MICAL3: variants seen among roughly 807,000 people sequenced by gnomAD.
The protein encoded by MICAL3 is microtubule associated monooxygenase, calponin and LIM domain containing 3, also known as [F-actin]-monooxygenase MICAL3.
MICAL3 carries 62 observed loss-of-function variants against 207.4 expected under a neutral mutation model. The ratio of observed to expected loss-of-function variants is 0.30; its 90% CI spans 0.24 to 0.37. The LOEUF (loss-of-function observed/expected upper bound fraction) is 0.37. Ranked by LOEUF, MICAL3 falls within the 10% of genes least tolerant of loss-of-function variation. The pLI, the probability that MICAL3 is intolerant of heterozygous loss-of-function variation, is 1.00. For missense variants in MICAL3, 2,368 were observed against 2,635.6 expected (o/e 0.90, Z 2.22); for synonymous variants, 1,077 against 1,069.3 (o/e 1.01, Z -0.14).
chr22:17,812,359 C>T (rs995352522), intron 27 of MICAL3: 20 of 199,786 alleles, frequency 1.0e-4, no homozygotes, highest in South Asian at 3.5e-4. Flanking sequence ...ACGTGGCTAA[C>T]GGAAGTACTG....
At chr22:17,895,034 G>A (rs1027292477) in intron 10 of MICAL3, among the ~76,000 whole-genome samples, 8 of 152,184 alleles carry the variant, frequency 5.3e-5, no homozygotes, top group African/African-American at 1.2e-4. Context: ...ATTAGAAGAC[G>A]TGGCATAAAG....
At chr22:17,861,505 T>C (rs1926512794) in intron 19 of MICAL3, 1 of 985,356 alleles carries the variant, frequency 1.0e-6, no homozygotes, top group South Asian at 4.7e-5. Context: ...TCATTTTTGG[T>C]CATCAACCGT....
At chr22:17,935,291 T>C (rs1270721594) in intron 1 of MICAL3, among the ~76,000 whole-genome samples, 2 of 152,214 alleles carry the variant, frequency 1.3e-5, no homozygotes, top group Non-Finnish European at 2.9e-5. Context: ...TACAACCATC[T>C]GATCTTTGAC....
In MICAL3 at chr22:17,788,980, T is replaced by C. The variant is rs930921464; in HGVS notation, c.*1752A>G. Reference sequence around the variant, plus strand: ...CCCTGGCAGGCGGGTCTGGTCCGGATGGCTCCTCGCTGGGCTATGTGCTGA... The same window carrying C: ...CCCTGGCAGGCGGGTCTGGTCCGGACGGCTCCTCGCTGGGCTATGTGCTGA... On this transcript the variant is annotated 3_prime_UTR_variant, in exon 32 of 32. Transcript: ENST00000441493. 6.6e-6 allele frequency: 1 copy of C among 152,572 alleles called. No homozygotes were observed. Among genetic ancestry groups the C allele is most frequent in the African/African-American group, 2.4e-5 (1 of 41,478 alleles). The allele number at this position is 152,572 out of a possible 1,614,324, so 9.5% of individuals were successfully genotyped here.
intron 1 of MICAL3, among the ~76,000 whole-genome samples, chr22:17,936,397 G>A (rs778068845): frequency 2.6e-5 from 4 of 152,008 alleles, no homozygotes; most frequent in Non-Finnish European, 5.9e-5. Context: ...GACACAGGGC[G>A]GGGAACACCA....
chr22:17,976,533 A>G (rs760787810), intron 1 of MICAL3, among the ~76,000 whole-genome samples: 3,120 of 115,408 alleles, frequency 0.027, 177 homozygotes, highest in African/African-American at 0.1. Context: ...ATGTGTATAT[A>G]TATGTGTGTG....
intron 21 of MICAL3, among the ~76,000 whole-genome samples, 197 bp from the exon 22 acceptor site, chr22:17,827,978 C>T (rs535224325): frequency 9.9e-4 from 151 of 152,164 alleles, no homozygotes; most frequent in Non-Finnish European, 2.0e-3. Flanking sequence ...CAGACACACA[C>T]GCACAGTCCT....
intron 1 of MICAL3, among the ~76,000 whole-genome samples, chr22:17,996,482 G>T (rs1359281522): frequency 6.6e-6 from 1 of 152,032 alleles, no homozygotes; most frequent in Non-Finnish European, 1.5e-5. Context: ...GCAAGGCTTG[G>T]GGTGACAGTT....
At chr22:17,914,911 C>G (rs921653019) in intron 1 of MICAL3, among the ~76,000 whole-genome samples, 1 of 152,240 alleles carries the variant, frequency 6.6e-6, no homozygotes, top group Non-Finnish European at 1.5e-5. Context: ...CCTAATACTA[C>G]TCCATCCATT....
intron 19 of MICAL3, chr22:17,861,166 T>C: frequency 1.0e-6 from 1 of 985,354 alleles, no homozygotes. Flanking sequence ...AACTTCCCTC[T>C]GTCAGGTGGG....
chr22:18,011,417 C>T lies in MICAL3; in HGVS notation c.-75+12864G>A, dbSNP rs752379637. Among the ~76,000 whole-genome samples the T allele has an allele frequency of 6.6e-5, 10 of 151,988 alleles. No homozygotes were observed. In the South Asian group the frequency reaches 1.5e-3, roughly 22 times the overall value. ...AAAACTAGCCAGGCATGGTGGCACA[C>T]GCCTGTAATCCCAGCTACTCGGGAG... On this transcript the variant is annotated intron_variant, in intron 1 of 31. Transcript: ENST00000441493.
At chr22:17,865,475 C>A (rs925068933) in intron 18 of MICAL3, among the ~76,000 whole-genome samples, 1 of 152,214 alleles carries the variant, frequency 6.6e-6, no homozygotes, top group Non-Finnish European at 1.5e-5. Flanking sequence ...TAGTGAAAGG[C>A]CCCGCAGGCA....
At chr22:17,870,233 G>A (rs1356958566) in intron 17 of MICAL3, among the ~76,000 whole-genome samples, 10 of 152,036 alleles carry the variant, frequency 6.6e-5, no homozygotes, top group Non-Finnish European at 2.9e-5. Context: ...CTCCCACCAG[G>A]TGCGCACCTC....
At chr22:18,000,987 G>T (rs117924739) in intron 1 of MICAL3, 1 of 146,140 alleles carries the variant, frequency 6.8e-6, no homozygotes, top group African/African-American at 2.5e-5. Context: ...CCCGCACCCA[G>T]AGCCGGGCTA....
intron 2 of MICAL3, among the ~76,000 whole-genome samples, chr22:17,906,196 A>G (rs1350596699): frequency 1.3e-5 from 2 of 152,298 alleles, no homozygotes; most frequent in African/African-American, 4.8e-5. Flanking sequence ...AATACTTGAA[A>G]CTTTGAACGC....
intron 21 of MICAL3, among the ~76,000 whole-genome samples, chr22:17,831,175 G>C (rs919010685): frequency 2.0e-5 from 3 of 152,258 alleles, no homozygotes; most frequent in Middle Eastern, 3.4e-3. Flanking sequence ...CCCTGGCTCC[G>C]TCTTCACCAC....
At chr22:17,850,850 C>G (rs1168315198) in intron 19 of MICAL3, among the ~76,000 whole-genome samples, 1 of 152,124 alleles carries the variant, frequency 6.6e-6, no homozygotes, top group Admixed American at 6.5e-5. Context: ...GCTACAAGCC[C>G]GACTCTCCAG....
Position 17,893,129 on chromosome 22 carries a change from T to C in MICAL3, c.1546+679A>G, listed in dbSNP as rs191173916. 6.6e-5 allele frequency among the ~76,000 whole-genome samples: 10 copies of C among 152,238 alleles called. No individual in the cohort carries two copies. The South Asian group carries it at 1.5e-3, about 22-fold the overall frequency. On this transcript the variant is annotated intron_variant, in intron 11 of 31. Transcript: ENST00000441493. The stretch of plus-strand genomic sequence containing the variant: ...CAGCAAAGCTTGGCCTGGGACCCAG[T>C]TGCACCTGGCCCAAAGTCTGAGGTC...
intron 1 of MICAL3, among the ~76,000 whole-genome samples, chr22:17,928,048 T>C (rs959285447): frequency 2.0e-5 from 3 of 152,204 alleles, no homozygotes; most frequent in East Asian, 1.9e-4. Flanking sequence ...TTTATTTACA[T>C]GTGTCTTGCC....
Sources: gnomAD v4.1 joint callset for allele counts (sites outside exome capture counted in the v4.1 genomes callset) on GRCh38, gnomAD v4.1.1 for gene constraint, MANE v1.5 for transcripts, NCBI Gene and HGNC (gene_info 2026-07-23, HGNC 2026-07-21) for gene names.